MOB3B: variants seen among roughly 807,000 people sequenced by gnomAD.
MOB3B encodes MOB kinase activator-like 2B.
Under a neutral mutation model 18.7 loss-of-function variants are expected in MOB3B, and 7 were observed. The ratio of observed to expected loss-of-function variants is 0.37; its 90% CI spans 0.21 to 0.70. The LOEUF is 0.70. MOB3B is among the 30% of genes least tolerant of loss of function. MOB3B has a pLI of 0.52. For synonymous variants in MOB3B, 111 were observed against 99.9 expected (o/e 1.11, Z -0.66); for missense variants, 253 against 281.3 (o/e 0.90, Z 0.72).
chr9:27,361,144 C>T (rs545476774), intron 2 of MOB3B, among the ~76,000 whole-genome samples: 61 of 152,136 alleles, frequency 4.0e-4, no homozygotes, highest in Non-Finnish European at 2.4e-4. Flanking sequence ...GTTGTCTTCA[C>T]AATGTATCTG....
intron 2 of MOB3B, among the ~76,000 whole-genome samples, chr9:27,411,882 G>A (rs1290324799): frequency 6.6e-6 from 1 of 152,184 alleles, no homozygotes; most frequent in Non-Finnish European, 1.5e-5. Flanking sequence ...TAACAAATGT[G>A]CTGCACTAAT....
At chr9:27,331,041 T>C (rs1378086734) in intron 3 of MOB3B, among the ~76,000 whole-genome samples, 1 of 152,148 alleles carries the variant, frequency 6.6e-6, no homozygotes, top group Non-Finnish European at 1.5e-5. Flanking sequence ...GGACTGCTAG[T>C]TTTCTTCGAG....
intron 1 of MOB3B, among the ~76,000 whole-genome samples, chr9:27,525,542 G>A (rs539045860): frequency 1.1e-3 from 173 of 152,224 alleles, no homozygotes; most frequent in Non-Finnish European, 2.1e-3. Context: ...ATTACTTTAA[G>A]AGTGAAGATC....
At chr9:27,435,998 T>C (rs1822494383) in intron 2 of MOB3B, among the ~76,000 whole-genome samples, 1 of 152,176 alleles carries the variant, frequency 6.6e-6, no homozygotes, top group South Asian at 2.1e-4. Context: ...ACTCACACTT[T>C]CCTTCTTTTA....
chr9:27,329,093 G>C lies in MOB3B; in HGVS notation c.*1494C>G, dbSNP rs1481930674. The C allele has an allele frequency of 6.6e-6, 1 of 152,124 alleles. No individual in the cohort carries two copies. The highest frequency in any genetic ancestry group is 1.5e-5 in the Non-Finnish European group (1 of 68,024). The allele number at this position is 152,124 out of a possible 1,614,324, so 9.4% of individuals were successfully genotyped here. On this transcript the variant is annotated 3_prime_UTR_variant, in exon 4 of 4. Coordinates refer to ENST00000262244, the MANE Select transcript of MOB3B (RefSeq NM_024761.5). Reference sequence around the variant, plus strand: ...TCTAGTCTTTTGTGGCAGCCACAGAGGGCTTTAACACATTATGATTGATAA... The same window carrying C: ...TCTAGTCTTTTGTGGCAGCCACAGACGGCTTTAACACATTATGATTGATAA...
intron 1 of MOB3B, among the ~76,000 whole-genome samples, chr9:27,497,934 C>G (rs1290952136): frequency 6.6e-6 from 1 of 152,158 alleles, no homozygotes; most frequent in Non-Finnish European, 1.5e-5. Context: ...CCAAGAAAGA[C>G]AAGAAGATGA....
chr9:27,482,975 G>C (rs1819683648), intron 1 of MOB3B, among the ~76,000 whole-genome samples: 1 of 151,908 alleles, frequency 6.6e-6, no homozygotes, highest in East Asian at 1.9e-4. Context: ...TTATCCACTG[G>C]AAAACATAGC....
chr9:27,410,349 T>C (rs1244622447), intron 2 of MOB3B, among the ~76,000 whole-genome samples: 1 of 152,176 alleles, frequency 6.6e-6, no homozygotes, highest in African/African-American at 2.4e-5. Flanking sequence ...AGTACAAGTG[T>C]AATGAATTCA....
chr9:27,422,424 T>C (rs1395670214), intron 2 of MOB3B, among the ~76,000 whole-genome samples: 1 of 152,254 alleles, frequency 6.6e-6, no homozygotes, highest in Non-Finnish European at 1.5e-5. Flanking sequence ...ACACCTATCT[T>C]GGTTCCACCT....
intron 1 of MOB3B, among the ~76,000 whole-genome samples, chr9:27,456,150 A>G (rs1822867317): frequency 6.6e-6 from 1 of 152,150 alleles, no homozygotes; most frequent in African/African-American, 2.4e-5. Context: ...CCATCCTTCT[A>G]GATACAGATG....
intron 2 of MOB3B, among the ~76,000 whole-genome samples, chr9:27,374,761 A>G (rs1215942762): frequency 3.3e-5 from 5 of 152,200 alleles, no homozygotes; most frequent in Admixed American, 6.5e-5. Context: ...TCTTGGAATA[A>G]CTCAGAAGAC....
intron 1 of MOB3B, among the ~76,000 whole-genome samples, chr9:27,517,141 T>C (rs561300749): frequency 5.3e-5 from 8 of 152,268 alleles, no homozygotes; most frequent in African/African-American, 1.9e-4. Context: ...ATACCTGCTA[T>C]CACTCTCCTA....
chr9:27,495,542 C>T (rs1430466384), intron 1 of MOB3B, among the ~76,000 whole-genome samples: 2 of 151,982 alleles, frequency 1.3e-5, no homozygotes, highest in Non-Finnish European at 2.9e-5. Flanking sequence ...GACAAGGAAC[C>T]CATCCTGATG....
rs541622195 is a variant in MOB3B at position 27,342,084 on chromosome 9, A to G, written c.622-11468T>C. On this transcript the variant is annotated intron_variant, in intron 3 of 3. Coordinates refer to ENST00000262244, the MANE Select transcript of MOB3B (RefSeq NM_024761.5). ...GTAAGCCACACCCATTTATGGATGAATGCCTGTGGCTGCTTCTGCACTTCC... is the reference window on the plus strand; with the variant it reads ...GTAAGCCACACCCATTTATGGATGAGTGCCTGTGGCTGCTTCTGCACTTCC... Among the ~76,000 whole-genome samples, 7 of 152,336 alleles carry G rather than the reference A, an allele frequency of 4.6e-5. No individual in the cohort carries two copies. The East Asian group carries it at 1.4e-3, about 29-fold the overall frequency.
chr9:27,409,226 A>G (rs576529824), intron 2 of MOB3B, among the ~76,000 whole-genome samples: 8 of 152,342 alleles, frequency 5.3e-5, no homozygotes, highest in Non-Finnish European at 8.8e-5. Flanking sequence ...TTGGTGCACA[A>G]AACAGCCTAA....
At chr9:27,365,162 C>CAAAAAAAAAAAAAAG (rs61043046) in intron 2 of MOB3B, among the ~76,000 whole-genome samples, 1 of 109,790 alleles carries the variant, frequency 9.1e-6, no homozygotes, top group Non-Finnish European at 1.8e-5. Flanking sequence ...TTGGGGGAGG[C>CAAAAAAAAAAAAAAG]AAAAAAAAAA....
chr9:27,446,760 G>T (rs1048233106), intron 2 of MOB3B, among the ~76,000 whole-genome samples: 2 of 152,092 alleles, frequency 1.3e-5, no homozygotes, highest in Non-Finnish European at 2.9e-5. Context: ...CATGAAGCAG[G>T]TACCTGTATA....
intron 1 of MOB3B, among the ~76,000 whole-genome samples, chr9:27,497,625 T>C (rs1457765960): frequency 6.6e-6 from 1 of 152,030 alleles, no homozygotes; most frequent in Non-Finnish European, 1.5e-5. Flanking sequence ...TAGTTTTATA[T>C]GTTCTAAATT....
At chr9:27,465,308 C>T (rs1819364705) in intron 1 of MOB3B, among the ~76,000 whole-genome samples, 1 of 152,192 alleles carries the variant, frequency 6.6e-6, no homozygotes, top group African/African-American at 2.4e-5. Context: ...AATTTTAAAG[C>T]TCCAAAATGA....
Sources: gnomAD v4.1 joint callset for allele counts (sites outside exome capture counted in the v4.1 genomes callset) on GRCh38, gnomAD v4.1.1 for gene constraint, MANE v1.5 for transcripts, NCBI Gene and HGNC (gene_info 2026-07-23, HGNC 2026-07-21) for gene names.